The following SMC2 variants were observed in gnomAD, a reference collection of about 807,000 sequenced individuals.
SMC2 encodes the protein structural maintenance of chromosomes protein 2.
A neutral mutation model predicts 142.6 loss-of-function variants in SMC2; 41 were observed. The ratio of observed to expected loss-of-function variants is 0.29; its 90% CI spans 0.22 to 0.37. The LOEUF (loss-of-function observed/expected upper bound fraction) is 0.37, where lower values mean the gene tolerates loss of function less well. Ranked by LOEUF, SMC2 falls within the 10% of genes least tolerant of loss-of-function variation. SMC2 has a pLI of 1.00. For synonymous variants in SMC2, 463 were observed against 457.5 expected, an observed-to-expected ratio of 1.01 and a Z score of -0.15; for missense variants, 1,265 against 1,373.7, an observed-to-expected ratio of 0.92 and a Z score of 1.25.
intron 4 of SMC2, among the ~76,000 whole-genome samples, chr9:104,098,798 T>A (rs1830774880): frequency 6.6e-6 from 1 of 151,812 alleles, no homozygotes; most frequent in Admixed American, 6.6e-5. Flanking sequence ...TTTTGTTGAC[T>A]TTTTGTTTTG....
intron 18 of SMC2, 145 bp downstream of exon 18, chr9:104,125,250 T>C (rs369566231): frequency 3.1e-6 from 2 of 637,726 alleles, no homozygotes; most frequent in South Asian, 5.1e-5. Context: ...AAATTATGCT[T>C]CTTACAAGTC....
chr9:104,098,549 C>T lies in SMC2; in HGVS notation c.422C>T (p.Pro141Leu). Residue 141 changes from proline (P) to leucine (L), a missense_variant, in exon 4 of 25, where the codon CCT (proline) becomes CTT (leucine). By Grantham distance (98) the Pro-to-Leu change is moderately conservative (BLOSUM62 -3). Around this residue, in one of 4 missense-constraint regions of SMC2, gnomAD observed 168 missense variants for 184.8 expected, o/e 0.91. Transcript: ENST00000374793. ...FCSVGLNVNN[P>L]HFLIMQGRIT... is the part of the protein sequence containing the mutation. ...TCTGTTGGCCTTAATGTTAACAACC[C>T]TCACTTTCTCATCATGCAGGTATTT... The T allele has an allele frequency of 1.3e-6, 2 of 1,589,888 alleles. No homozygotes were observed. The highest frequency in any genetic ancestry group is 1.2e-5 in the South Asian group (1 of 85,872).
intron 9 of SMC2, among the ~76,000 whole-genome samples, chr9:104,105,517 A>C (rs906671012): frequency 2.6e-5 from 4 of 152,146 alleles, no homozygotes; most frequent in Non-Finnish European, 4.4e-5. Flanking sequence ...TAGTTACATA[A>C]GTTCAATTTC....
intron 23 of SMC2, 100 bp downstream of exon 23, chr9:104,134,675 T>G (rs910214155): frequency 2.4e-6 from 2 of 824,396 alleles, no homozygotes; most frequent in Non-Finnish European, 3.6e-6. Flanking sequence ...CCTTTGCATG[T>G]AGAATTTAAG....
At chr9:104,114,893 A>C in intron 13 of SMC2, 64 bp downstream of exon 13, 1 of 1,357,206 alleles carries the variant, frequency 7.4e-7, no homozygotes, top group Non-Finnish European at 1.0e-6. Flanking sequence ...TGTGCTGCTA[A>C]AAGAATTAAA....
intron 21 of SMC2, among the ~76,000 whole-genome samples, chr9:104,130,126 G>A (rs1834780904): frequency 6.6e-6 from 1 of 151,766 alleles, no homozygotes; most frequent in African/African-American, 2.4e-5. Context: ...TCTTTCACTT[G>A]CATTGAAAAG....
chr9:104,094,245 G>C (rs1830188984), upstream of SMC2: 4 of 397,720 alleles, frequency 1.0e-5, no homozygotes, highest in Non-Finnish European at 1.8e-5. Context: ...AAGACAGGCA[G>C]CTCCTAGGCA....
rs1257911247 is a variant in SMC2, at chr9:104,140,093, T to A, written c.*778T>A. 1 of 152,150 alleles carries A rather than the reference T, an allele frequency of 6.6e-6. No homozygotes were observed. Among genetic ancestry groups the A allele is most frequent in the Non-Finnish European group, 1.5e-5 (1 of 68,006 alleles). The allele number at this position is 152,150 out of a possible 1,614,324, so 9.4% of individuals were successfully genotyped here. ...TGCAAATTTATCTGAAGTTTGTTAATATTTTCCAAGATTTTTGTCAGCCTT... is the reference window on the plus strand; with the variant it reads ...TGCAAATTTATCTGAAGTTTGTTAAAATTTTCCAAGATTTTTGTCAGCCTT... On this transcript the variant is annotated 3_prime_UTR_variant, in exon 25 of 25. Coordinates refer to ENST00000374793, the MANE Select transcript of SMC2 (RefSeq NM_006444.3).
Position 104,113,435 on chromosome 9 carries a change from A to T in SMC2, c.1374A>T (p.Lys458Asn), listed in dbSNP as rs757824607. The T allele has an allele frequency of 1.9e-6, 3 of 1,602,572 alleles. No homozygotes were observed. In the East Asian group the frequency reaches 6.8e-5, roughly 36 times the overall value. ...CTCTAGAAGCTGTAAAAAGACTTAA[A>T]GAAAAACTTGAAGCTGAAATGAAAA... Reference protein sequence around the residue: ...QEALEAVKRLKEKLEAEMKKL... With the variant: ...QEALEAVKRLNEKLEAEMKKL... Residue 458 changes from lysine (K) to asparagine (N), a missense_variant, in exon 11 of 25, where the codon AAA becomes AAT. Lys to Asn is a moderately conservative substitution (Grantham distance 94, BLOSUM62 0). Transcript: ENST00000374793.
chr9:104,123,044 T>A (rs1833902006), intron 16 of SMC2, 64 bp from the exon 17 acceptor site: 2 of 1,519,386 alleles, frequency 1.3e-6, no homozygotes, highest in Admixed American at 3.8e-5. Flanking sequence ...ATCTGAAGTT[T>A]GAATGTATTT....
intron 9 of SMC2, among the ~76,000 whole-genome samples, chr9:104,103,172 G>A (rs966084302): frequency 6.6e-6 from 1 of 152,048 alleles, no homozygotes; most frequent in Non-Finnish European, 1.5e-5. Context: ...TGAATGTTAG[G>A]ATAGTTCAAC....
intron 18 of SMC2, among the ~76,000 whole-genome samples, 159 bp downstream of exon 18, chr9:104,125,264 G>C (rs771761625): frequency 7.9e-5 from 12 of 152,122 alleles, no homozygotes; most frequent in Non-Finnish European, 1.3e-4. Context: ...ACAAGTCAAA[G>C]GAGTATCCAG....
In SMC2 at chr9:104,096,204, C is replaced by G. The variant is rs1830431947; in HGVS notation, c.225C>G (p.Thr75=). 1 of 1,613,488 alleles carries G rather than the reference C, an allele frequency of 6.2e-7. No individual in the cohort carries two copies. Among genetic ancestry groups the G allele is most frequent in the African/African-American group, 1.3e-5 (1 of 74,908 alleles). ...LVYKNGQAGI[T]KASVSITFDN... ...ACAAAAATGGGCAGGCTGGTATTAC[C>G]AAAGCCTCTGTGTCAATCACTTTTG... The change falls in exon 3 of 25, where the codon ACC becomes ACG. Residue 75 remains threonine (T), a synonymous_variant. Transcript: ENST00000374793.
intron 22 of SMC2, among the ~76,000 whole-genome samples, chr9:104,133,610 G>C (rs888252019): frequency 2.6e-5 from 4 of 152,142 alleles, no homozygotes; most frequent in Non-Finnish European, 5.9e-5. Context: ...GCCGAACTAA[G>C]AATATTAGTC....
chr9:104,122,101 T>A (rs1427245723), intron 16 of SMC2, among the ~76,000 whole-genome samples: 1 of 152,238 alleles, frequency 6.6e-6, no homozygotes, highest in East Asian at 1.9e-4. Context: ...GTGAGAAGAG[T>A]AGAACAGAAT....
chr9:104,135,584 T>G (rs1031219090), intron 23 of SMC2, among the ~76,000 whole-genome samples: 2 of 152,106 alleles, frequency 1.3e-5, no homozygotes, highest in African/African-American at 4.8e-5. Flanking sequence ...TTGAGTTCTA[T>G]CAACCTCAGG....
At chr9:104,138,881 A>G (rs1417057409) in intron 24 of SMC2, among the ~76,000 whole-genome samples, 1 of 152,178 alleles carries the variant, frequency 6.6e-6, no homozygotes, top group East Asian at 1.9e-4. Flanking sequence ...TTAGTTAGCA[A>G]CAAAACTGAA....
intron 14 of SMC2, among the ~76,000 whole-genome samples, chr9:104,116,657 T>TTTC (rs1197712182): frequency 6.6e-6 from 1 of 152,166 alleles, no homozygotes; most frequent in African/African-American, 2.4e-5. Flanking sequence ...TTTGTTTTTG[T>TTTC]TTCTTTTTAT....
Position 104,099,675 on chromosome 9 carries a change from C to A in SMC2, c.473C>A (p.Pro158His). The stretch of plus-strand genomic sequence containing the variant: ...ATTACAAAAGTATTGAATATGAAAC[C>A]TCCAGAGGTAAGAGTACTATTTATG... ...GRITKVLNMK[P>H]PEILSMIEEA... The change falls in exon 5 of 25, where the codon CCT (proline) becomes CAT (histidine). Residue 158 changes from proline to histidine, a missense_variant. Coordinates refer to ENST00000374793, the MANE Select transcript of SMC2 (RefSeq NM_006444.3). 6.4e-7 allele frequency: 1 copy of A among 1,563,840 alleles called. No individual in the cohort carries two copies. The highest frequency in any genetic ancestry group is 8.8e-7 in the Non-Finnish European group (1 of 1,135,360).
Sources: allele counts gnomAD v4.1 joint callset (sites outside exome capture counted in the v4.1 genomes callset), GRCh38; gene constraint gnomAD v4.1.1; regional missense constraint gnomAD v4.1.1; transcripts MANE v1.5; gene names NCBI Gene and HGNC (gene_info 2026-07-23, HGNC 2026-07-21).